The following SNX8 variants were observed in gnomAD, a reference collection of about 807,000 sequenced individuals.
The protein encoded by SNX8 is sorting nexin-8.
Under a neutral mutation model 51.6 loss-of-function variants are expected in SNX8, and 25 were observed. The observed-to-expected ratio is 0.48, with a 90% CI of 0.35 to 0.68. The LOEUF (loss-of-function observed/expected upper bound fraction) is 0.68, where lower values mean the gene tolerates loss of function less well. SNX8 is among the 30% of genes least tolerant of loss of function. SNX8 has a pLI of 0.00. For synonymous variants in SNX8, 324 were observed against 277.0 expected (o/e 1.17, Z -1.68); for missense variants, 695 against 624.0 (o/e 1.11, Z -1.21).
intron 1 of SNX8, among the ~76,000 whole-genome samples, chr7:2,313,604 C>T (rs944301474): frequency 2.6e-5 from 4 of 151,864 alleles, no homozygotes; most frequent in African/African-American, 9.7e-5. Context: ...GGCTCATGCC[C>T]GTACTCCCAG....
chr7:2,344,167 G>A (rs1295189084), intron 1 of SNX8, among the ~76,000 whole-genome samples: 1 of 151,644 alleles, frequency 6.6e-6, no homozygotes, highest in Admixed American at 6.6e-5. Context: ...TCACGTAATT[G>A]AGCCTGGGCG....
At chr7:2,346,856 G>A (rs1324200745) in intron 1 of SNX8, among the ~76,000 whole-genome samples, 1 of 147,462 alleles carries the variant, frequency 6.8e-6, no homozygotes, top group East Asian at 2.0e-4. Flanking sequence ...GGAGGTGGAG[G>A]CTGCAGTGAG....
chr7:2,294,781 TCC>T (rs1796234169), intron 1 of SNX8, among the ~76,000 whole-genome samples: 3 of 152,134 alleles, frequency 2.0e-5, no homozygotes, highest in Admixed American at 6.6e-5. Flanking sequence ...ACACCTGTAA[TCC>T]CAGCACTTTG....
At chr7:2,346,737 CAAAAA>C (rs143462126) in intron 1 of SNX8, among the ~76,000 whole-genome samples, 35 of 45,336 alleles carry the variant, frequency 7.7e-4, no homozygotes, top group African/African-American at 3.0e-3. Context: ...GACTCCGTCT[CAAAAA>C]AAAAAAAAAA....
At chr7:2,296,139 A>G (rs1796268660) in intron 1 of SNX8, among the ~76,000 whole-genome samples, 1 of 152,168 alleles carries the variant, frequency 6.6e-6, no homozygotes, top group Non-Finnish European at 1.5e-5. Flanking sequence ...GGTAGGAATC[A>G]CACTGACTCT....
chr7:2,347,489 AAAAAAAAAAAG>A (rs1189785073), intron 1 of SNX8, among the ~76,000 whole-genome samples: 1 of 102,628 alleles, frequency 9.7e-6, no homozygotes, highest in East Asian at 4.0e-4. Context: ...TCAAAAAAAA[AAAAAAAAAAAG>A]AAAAAAAAAA....
At chr7:2,320,883 G>A (rs976219809) in intron 1 of SNX8, among the ~76,000 whole-genome samples, 1 of 152,094 alleles carries the variant, frequency 6.6e-6, no homozygotes, top group Non-Finnish European at 1.5e-5. Flanking sequence ...AGCCGGGCCT[G>A]GTGGTGGGTG....
intron 1 of SNX8, among the ~76,000 whole-genome samples, chr7:2,347,358 G>A (rs1779051077): frequency 6.6e-6 from 1 of 151,474 alleles, no homozygotes; most frequent in Non-Finnish European, 1.5e-5. Context: ...GTGGGCGCCT[G>A]TAGTCCTCAA....
chr7:2,333,409 T>C (rs950859039), intron 1 of SNX8, among the ~76,000 whole-genome samples: 2 of 151,580 alleles, frequency 1.3e-5, no homozygotes, highest in Admixed American at 1.3e-4. Context: ...AAAATACAAA[T>C]AGTAGCTGGC....
intron 7 of SNX8, 140 bp downstream of exon 7, chr7:2,263,090 G>T: frequency 9.5e-7 from 1 of 1,054,636 alleles, no homozygotes. Context: ...TTGCGCTCCA[G>T]CCTGGCAACA....
rs575639914 is a variant in SNX8, at chr7:2,289,981, T to C, written c.95-11676A>G. On this transcript the variant is annotated intron_variant, in intron 1 of 10. Coordinates refer to ENST00000222990, the MANE Select transcript of SNX8 (RefSeq NM_013321.4). ...GCTGAGGCGGGTGGATCACCTGAGG[T>C]CAGGAGTTCAGTACCAGCCTGGCCA... Among the ~76,000 whole-genome samples, 16 of 152,070 alleles carry C rather than the reference T, an allele frequency of 1.1e-4. No individual in the cohort carries two copies. The South Asian group carries it at 3.3e-3, about 32-fold the overall frequency.
intron 1 of SNX8, among the ~76,000 whole-genome samples, chr7:2,289,448 C>T (rs1181626263): frequency 6.6e-6 from 1 of 152,176 alleles, no homozygotes; most frequent in Non-Finnish European, 1.5e-5. Context: ...GCCTCGCACA[C>T]GAGCCAACAT....
chr7:2,352,184 T>C (rs1779157673), intron 1 of SNX8, among the ~76,000 whole-genome samples: 2 of 151,946 alleles, frequency 1.3e-5, no homozygotes, highest in Non-Finnish European at 2.9e-5. Flanking sequence ...AGTGCTGGGA[T>C]TACAGGTGTG....
chr7:2,322,613 G>A (rs1778544326), intron 1 of SNX8, among the ~76,000 whole-genome samples: 1 of 152,018 alleles, frequency 6.6e-6, no homozygotes. Context: ...AGAATCGCTT[G>A]AACCCAGGAG....
intron 1 of SNX8, among the ~76,000 whole-genome samples, chr7:2,285,280 T>C (rs559616054): frequency 1.1e-4 from 16 of 151,118 alleles, no homozygotes; most frequent in Non-Finnish European, 2.2e-4. Flanking sequence ...TCCCAGCTAC[T>C]TGGGAGGCTG....
chr7:2,327,774 C>G (rs1222856251), intron 1 of SNX8, among the ~76,000 whole-genome samples: 2 of 152,174 alleles, frequency 1.3e-5, no homozygotes, highest in Non-Finnish European at 1.5e-5. Flanking sequence ...TATCTCCTGA[C>G]CTCGTGATCC....
chr7:2,313,519 G>A (rs1796700441), intron 1 of SNX8, among the ~76,000 whole-genome samples: 1 of 126,262 alleles, frequency 7.9e-6, no homozygotes, highest in African/African-American at 3.1e-5. Flanking sequence ...GTGAGAATCT[G>A]TCTCAAAAAA....
At chr7:2,322,711 GAATAA>G (rs1051890724) in intron 1 of SNX8, among the ~76,000 whole-genome samples, 1 of 149,804 alleles carries the variant, frequency 6.7e-6, no homozygotes, top group Non-Finnish European at 1.5e-5. Context: ...AAATAAAATA[GAATAA>G]AATAAAATAA....
intron 7 of SNX8, among the ~76,000 whole-genome samples, chr7:2,262,579 G>A (rs1399340654): frequency 6.6e-6 from 1 of 152,112 alleles, no homozygotes; most frequent in African/African-American, 2.4e-5. Context: ...AATCCTAGTG[G>A]ACTCAGACAG....
Sources: gnomAD v4.1 joint callset for allele counts (sites outside exome capture counted in the v4.1 genomes callset) on GRCh38, gnomAD v4.1.1 for gene constraint, MANE v1.5 for transcripts, NCBI Gene and HGNC (gene_info 2026-07-23, HGNC 2026-07-21) for gene names.